The following PDXDC1 variants were observed in gnomAD, a reference collection of about 807,000 sequenced individuals.
PDXDC1 encodes the protein pyridoxal dependent decarboxylase domain containing 1.
In PDXDC1, 42 loss-of-function variants were observed where a neutral mutation model predicts 100.1. The ratio of observed to expected loss-of-function variants is 0.42; its 90% CI spans 0.33 to 0.54. PDXDC1 has a LOEUF of 0.54. Ranked by LOEUF, PDXDC1 falls within the 20% of genes least tolerant of loss-of-function variation. PDXDC1 has a pLI of 0.10. For missense variants in PDXDC1, 636 were observed against 979.2 expected, an observed-to-expected ratio of 0.65 and a Z score of 4.68; for synonymous variants, 260 against 371.7, an observed-to-expected ratio of 0.70 and a Z score of 3.46.
At chr16:15,021,225 A>G (rs1049212314) in intron 12 of PDXDC1, among the ~76,000 whole-genome samples, 2 of 152,202 alleles carry the variant, frequency 1.3e-5, no homozygotes, top group African/African-American at 4.8e-5. Context: ...AAAAATACAA[A>G]AATTAGCCAG....
At chr16:15,102,776 C>T (rs1322928277) in intron 16 of PDXDC1, among the ~76,000 whole-genome samples, 10 of 146,506 alleles carry the variant, frequency 6.8e-5, no homozygotes, top group Admixed American at 1.4e-4. Context: ...CATAGTGAGA[C>T]CCCATATCCA....
chr16:14,989,330 G>C, intron 1 of PDXDC1: 1 of 1,612,806 alleles, frequency 6.2e-7, no homozygotes, highest in Non-Finnish European at 8.5e-7. Context: ...GCTGCGTCTT[G>C]GGAGCCACTT....
intron 14 of PDXDC1, among the ~76,000 whole-genome samples, chr16:15,026,958 G>A (rs1326241672): frequency 1.3e-5 from 2 of 152,278 alleles, no homozygotes; most frequent in Non-Finnish European, 2.9e-5. Context: ...CTAAGAAAGA[G>A]TTGCTTGAAC....
At chr16:15,033,504 C>G in intron 19 of PDXDC1, 105 bp downstream of exon 19, 2 of 1,315,536 alleles carry the variant, frequency 1.5e-6, no homozygotes, top group Non-Finnish European at 2.2e-6. Context: ...TTCGTTGTCT[C>G]TCAAAGTCTG....
At chr16:15,122,797 G>T (rs1439998354) in intron 16 of PDXDC1, among the ~76,000 whole-genome samples, 1 of 130,308 alleles carries the variant, frequency 7.7e-6, no homozygotes, top group Non-Finnish European at 1.7e-5. Flanking sequence ...AAGGGGACGG[G>T]GACTGGGCGG....
intron 15 of PDXDC1, chr16:15,029,740 C>G (rs1367351499): frequency 3.5e-6 from 2 of 571,444 alleles, no homozygotes; most frequent in African/African-American, 3.7e-5. Context: ...ACTTGTATTT[C>G]CTAAATTTTT....
intron 1 of PDXDC1, among the ~76,000 whole-genome samples, chr16:14,992,202 C>T (rs1282010179): frequency 6.6e-6 from 1 of 152,276 alleles, no homozygotes; most frequent in Non-Finnish European, 1.5e-5. Context: ...AGCAACAAGT[C>T]TAGATTTTTG....
intron 16 of PDXDC1, chr16:15,074,814 C>A: frequency 6.2e-7 from 1 of 1,613,906 alleles, no homozygotes. Flanking sequence ...TCTGGTCGAG[C>A]CGTTCAGGAC....
intron 16 of PDXDC1, among the ~76,000 whole-genome samples, chr16:15,072,755 G>A (rs556050625): frequency 3.9e-5 from 6 of 152,264 alleles, no homozygotes; most frequent in South Asian, 2.1e-4. Context: ...GCAGCAGAGC[G>A]AGACTGTGTC....
At chr16:15,019,750 T>C (rs565299899) in intron 12 of PDXDC1, among the ~76,000 whole-genome samples, 18 of 152,398 alleles carry the variant, frequency 1.2e-4, no homozygotes, top group South Asian at 4.1e-4. Flanking sequence ...AGGCCTCAAC[T>C]CATTTGCGAT....
At chr16:15,083,248 A>T (rs1567214777) in intron 16 of PDXDC1, among the ~76,000 whole-genome samples, 1 of 151,976 alleles carries the variant, frequency 6.6e-6, no homozygotes, top group African/African-American at 2.4e-5. Context: ...AAAATACAAA[A>T]ATTAGCTGGG....
Position 14,975,053 on chromosome 16 carries a change from C to G in PDXDC1, c.-147C>G. On this transcript the variant is annotated 5_prime_UTR_variant, in exon 1 of 23. Transcript: ENST00000396410. ...CTCAACCATCAGGTTCGGCAGCCCG[C>G]GGCGCCGCCTGGCAGCTCCTCCTCT... 1.3e-6 allele frequency: 2 copies of G among 1,514,110 alleles called. No homozygotes were observed. The highest frequency in any genetic ancestry group is 1.8e-6 in the Non-Finnish European group (2 of 1,139,044). 93.8% of individuals were successfully genotyped at this position (1,514,110 alleles called of 1,614,324 possible).
At chr16:15,057,395 G>A (rs1289421480) in intron 16 of PDXDC1, among the ~76,000 whole-genome samples, 2 of 152,206 alleles carry the variant, frequency 1.3e-5, no homozygotes, top group African/African-American at 4.8e-5. Flanking sequence ...AAATGTAGGA[G>A]CTACTATCAA....
intron 3 of PDXDC1, among the ~76,000 whole-genome samples, chr16:15,001,277 C>T (rs1227770398): frequency 6.6e-6 from 1 of 152,228 alleles, no homozygotes; most frequent in Non-Finnish European, 1.5e-5. Flanking sequence ...TCACTTGAAG[C>T]CAGGAGTTGA....
chr16:14,975,997 A>C lies in PDXDC1; in HGVS notation c.21+777A>C, dbSNP rs201739998. Reference sequence around the variant, plus strand: ...GGATCCCCGAGTCAACTCGAAATCCACTGGTAACAGAGCCTACCTCTGGTT... The same window carrying C: ...GGATCCCCGAGTCAACTCGAAATCCCCTGGTAACAGAGCCTACCTCTGGTT... On this transcript the variant is annotated intron_variant, in intron 1 of 22. Coordinates refer to ENST00000396410, the MANE Select transcript of PDXDC1 (RefSeq NM_015027.4). Among the ~76,000 whole-genome samples the C allele has an allele frequency of 2.6e-5, 4 of 152,290 alleles. No homozygotes were observed. The East Asian group carries it at 7.7e-4, about 29-fold the overall frequency.
At chr16:15,081,183 G>A (rs1350986050) in intron 16 of PDXDC1, among the ~76,000 whole-genome samples, 1 of 152,176 alleles carries the variant, frequency 6.6e-6, no homozygotes, top group Non-Finnish European at 1.5e-5. Context: ...GACCATCCAT[G>A]TACAAGTTTT....
chr16:15,018,238 A>G (rs2041938727), intron 11 of PDXDC1, among the ~76,000 whole-genome samples: 1 of 152,186 alleles, frequency 6.6e-6, no homozygotes, highest in South Asian at 2.1e-4. Context: ...TCATCTCTAT[A>G]AGAAAAAACA....
chr16:15,047,852 TA>T (rs2044138233), intron 16 of PDXDC1: 1 of 1,609,190 alleles, frequency 6.2e-7, no homozygotes, highest in Non-Finnish European at 8.5e-7. Flanking sequence ...TCTCTCATCA[TA>T]CCTGTGTGCC....
chr16:15,020,324 C>T (rs1163394561), intron 12 of PDXDC1, among the ~76,000 whole-genome samples: 8 of 152,260 alleles, frequency 5.3e-5, no homozygotes, highest in Non-Finnish European at 1.0e-4. Flanking sequence ...AAGTTATGCA[C>T]GTGGGTTGAA....
Sources: gnomAD v4.1 joint callset for allele counts (sites outside exome capture counted in the v4.1 genomes callset) on GRCh38, gnomAD v4.1.1 for gene constraint, MANE v1.5 for transcripts, NCBI Gene and HGNC (gene_info 2026-07-23, HGNC 2026-07-21) for gene names.